The following MAPKAPK3 variants were observed in gnomAD, a reference collection of about 807,000 sequenced individuals.
MAPKAPK3 encodes MAPK activated protein kinase 3.
Under a neutral mutation model 49.2 loss-of-function variants are expected in MAPKAPK3, and 35 were observed. The ratio of observed to expected loss-of-function variants is 0.71; its 90% CI spans 0.54 to 0.94. MAPKAPK3 has a LOEUF of 0.94. Among genes scored for constraint, MAPKAPK3 ranks in the 40% least tolerant of loss-of-function variants. The pLI is 0.00. For synonymous variants in MAPKAPK3, 178 were observed against 188.7 expected, an observed-to-expected ratio of 0.94 and a Z score of 0.46; for missense variants, 398 against 493.1, an observed-to-expected ratio of 0.81 and a Z score of 1.83.
At chr3:50,615,361 T>A (rs1175660847), upstream of MAPKAPK3, among the ~76,000 whole-genome samples, 5 of 152,236 alleles carry the variant, frequency 3.3e-5, no homozygotes, top group Non-Finnish European at 7.3e-5. Context: ...GTGTGTTATA[T>A]GCATGTGTGT....
intron 2 of MAPKAPK3, among the ~76,000 whole-genome samples, chr3:50,629,297 C>T (rs915929866): frequency 6.6e-6 from 1 of 152,080 alleles, no homozygotes; most frequent in Non-Finnish European, 1.5e-5. Context: ...CAAGGCTGCA[C>T]CTAGCTTTCC....
Position 50,617,481 on chromosome 3 carries a change from C to A in MAPKAPK3, c.-52-33C>A, listed in dbSNP as rs983818889. On this transcript the variant is annotated intron_variant, in intron 1 of 10. Coordinates refer to ENST00000621469, the MANE Select transcript of MAPKAPK3 (RefSeq NM_001243925.2). ...CAAGGCTGGGGTGTGTTGGAAAAGTCTGGGCGGGACTCACTCTTCCCCTTT... is the reference window on the plus strand; with the variant it reads ...CAAGGCTGGGGTGTGTTGGAAAAGTATGGGCGGGACTCACTCTTCCCCTTT... 4.6e-5 allele frequency: 32 copies of A among 692,786 alleles called. No homozygotes were observed. In the African/African-American group the frequency reaches 4.6e-4, roughly 10 times the overall value. The allele number at this position is 692,786 out of a possible 1,614,324, so 42.9% of individuals were successfully genotyped here. A position where few individuals can be genotyped will look rare whatever the true frequency, so the allele number is the denominator to read the frequency against.
chr3:50,640,357 C>T lies in MAPKAPK3; in HGVS notation c.220-9C>T, dbSNP rs1261780420. The T allele has an allele frequency of 6.2e-7, 1 of 1,611,470 alleles. No individual in the cohort carries two copies. Among genetic ancestry groups the T allele is most frequent in the Admixed American group, 1.7e-5 (1 of 59,660 alleles). ...GAGCCTGACACTTTCTATGTGCACC[C>T]ACCTACAGCTCCTGTATGACAGCCC... On this transcript the variant is annotated splice_polypyrimidine_tract_variant and intron_variant, in intron 2 of 10. Coordinates refer to ENST00000621469, the MANE Select transcript of MAPKAPK3 (RefSeq NM_001243925.2).
upstream of MAPKAPK3, among the ~76,000 whole-genome samples, chr3:50,614,500 AGTGTGTGTGT>A (rs3066739): frequency 0.047 from 6,531 of 138,922 alleles, 200 homozygotes; most frequent in Non-Finnish European, 0.068. Flanking sequence ...GTAAGGACAG[AGTGTGTGTGT>A]GTGTGTGTGT....
chr3:50,631,916 G>A (rs543939761), intron 2 of MAPKAPK3, among the ~76,000 whole-genome samples: 1 of 152,338 alleles, frequency 6.6e-6, no homozygotes, highest in South Asian at 2.1e-4. Context: ...CTGAGGCTGG[G>A]ATGAGACCCT....
intron 2 of MAPKAPK3, among the ~76,000 whole-genome samples, chr3:50,631,112 G>A (rs2032900195): frequency 6.6e-6 from 1 of 151,512 alleles, no homozygotes; most frequent in African/African-American, 2.4e-5. Context: ...GGAACTTAAT[G>A]AAGCGAGGTC....
chr3:50,618,978 C>T (rs935873731), intron 2 of MAPKAPK3, among the ~76,000 whole-genome samples: 2 of 152,192 alleles, frequency 1.3e-5, no homozygotes, highest in Non-Finnish European at 2.9e-5. Flanking sequence ...CGTGAGCCAC[C>T]GTGCCCGGCC....
At chr3:50,629,087 TC>T (rs2032836998) in intron 2 of MAPKAPK3, among the ~76,000 whole-genome samples, 1 of 151,992 alleles carries the variant, frequency 6.6e-6, no homozygotes, top group Admixed American at 6.6e-5. Context: ...CCAGGGTCGC[TC>T]CCCTAAGATC....
intron 2 of MAPKAPK3, among the ~76,000 whole-genome samples, chr3:50,634,509 G>A (rs2032986485): frequency 6.6e-6 from 1 of 150,950 alleles, no homozygotes; most frequent in African/African-American, 2.4e-5. Context: ...TTTTTTCTGA[G>A]GCAAAGTCTT....
rs77930597 is a variant in MAPKAPK3, at chr3:50,631,318, G to A, written c.220-9048G>A. On this transcript the variant is annotated intron_variant, in intron 2 of 10. Transcript: ENST00000621469. Reference sequence around the variant, plus strand: ...TCCAAATAGCACCAGTGCCCTTGTCGGGAGGGAGAGGGAGGACATGGGGGG... The same window carrying A: ...TCCAAATAGCACCAGTGCCCTTGTCAGGAGGGAGAGGGAGGACATGGGGGG... 4.9e-3 allele frequency among the ~76,000 whole-genome samples: 752 copies of A among 152,286 alleles called. 9 individuals are homozygous for A. Among genetic ancestry groups the A allele is most frequent in the African/African-American group, 0.017 (704 of 41,570 alleles).
intron 2 of MAPKAPK3, among the ~76,000 whole-genome samples, chr3:50,618,296 C>A (rs1464671702): frequency 6.6e-6 from 1 of 152,210 alleles, no homozygotes; most frequent in Non-Finnish European, 1.5e-5. Context: ...CTGATGCCCA[C>A]TGCACCTGTG....
chr3:50,615,806 G>T (rs1220652320), upstream of MAPKAPK3, among the ~76,000 whole-genome samples: 2 of 152,240 alleles, frequency 1.3e-5, no homozygotes, highest in African/African-American at 4.8e-5. Flanking sequence ...AGAAATAGGG[G>T]CAGAGCCCCA....
Position 50,640,417 on chromosome 3 carries a change from G to A in MAPKAPK3, c.271G>A (p.Ala91Thr), listed in dbSNP as rs575368406. 4.3e-6 allele frequency: 7 copies of A among 1,614,138 alleles called. No homozygotes were observed. In the African/African-American group the frequency reaches 6.7e-5, roughly 15 times the overall value. ...ARQEVDHHWQ[A>T]SGGPHIVCIL... Reference sequence around the variant, plus strand: ...GCAGGAGGTAGACCATCACTGGCAGGCTTCTGGCGGCCCCCATATTGTCTG... The same window carrying A: ...GCAGGAGGTAGACCATCACTGGCAGACTTCTGGCGGCCCCCATATTGTCTG... The change falls in exon 3 of 11, where the codon GCT (alanine) becomes ACT (threonine). Residue 91 changes from alanine (A) to threonine (T), a missense_variant. By Grantham distance (58) the Ala-to-Thr change is moderately conservative. Coordinates refer to ENST00000621469, the MANE Select transcript of MAPKAPK3 (RefSeq NM_001243925.2).
In MAPKAPK3 at chr3:50,648,980, T is replaced by G. The variant is rs2033371261; in HGVS notation, c.*934T>G. The G allele has an allele frequency of 6.6e-6, 1 of 152,150 alleles. No homozygotes were observed. Among genetic ancestry groups the G allele is most frequent in the Admixed American group, 6.5e-5 (1 of 15,286 alleles). 9.4% of individuals were successfully genotyped at this position (152,150 alleles called of 1,614,324 possible). A position where few individuals can be genotyped will look rare whatever the true frequency, so the allele number is the denominator to read the frequency against. Reference sequence around the variant, plus strand: ...TAAGTGGCTTCCCATTAACCTGAGGTCTCTTTCTTTACTCTGGGTCAGACC... The same window carrying G: ...TAAGTGGCTTCCCATTAACCTGAGGGCTCTTTCTTTACTCTGGGTCAGACC... On this transcript the variant is annotated 3_prime_UTR_variant, in exon 11 of 11. Coordinates refer to ENST00000621469, the MANE Select transcript of MAPKAPK3 (RefSeq NM_001243925.2).
intron 2 of MAPKAPK3, among the ~76,000 whole-genome samples, chr3:50,620,154 G>A (rs2032574705): frequency 6.6e-6 from 1 of 152,224 alleles, no homozygotes. Context: ...TGTCTTGTGA[G>A]TGGTAGCTGT....
intron 3 of MAPKAPK3, 58 bp downstream of exon 3, chr3:50,640,563 C>A: frequency 6.5e-7 from 1 of 1,541,222 alleles, no homozygotes; most frequent in Non-Finnish European, 8.8e-7. Flanking sequence ...CCTCAGGCTC[C>A]CTGCCACGCT....
chr3:50,648,468 C>T lies in MAPKAPK3; in HGVS notation c.*422C>T. The T allele has an allele frequency of 6.3e-6, 1 of 158,864 alleles. No homozygotes were observed. The highest frequency in any genetic ancestry group is 6.1e-5 in the Admixed American group (1 of 16,424). 9.8% of individuals were successfully genotyped at this position (158,864 alleles called of 1,614,324 possible). A position where few individuals can be genotyped will look rare whatever the true frequency, so the allele number is the denominator to read the frequency against. On this transcript the variant is annotated 3_prime_UTR_variant, in exon 11 of 11. Coordinates refer to ENST00000621469, the MANE Select transcript of MAPKAPK3 (RefSeq NM_001243925.2). ...TGAGAAAGGCATTGGCCATTGGTTGCCATGGTGACCAGGGACCACGTTGCT... is the reference window on the plus strand; with the variant it reads ...TGAGAAAGGCATTGGCCATTGGTTGTCATGGTGACCAGGGACCACGTTGCT...
At chr3:50,615,706 G>A (rs141907209), upstream of MAPKAPK3, among the ~76,000 whole-genome samples, 917 of 152,324 alleles carry the variant, frequency 6.0e-3, 3 homozygotes, top group Non-Finnish European at 0.01. Context: ...CCAGCATCTG[G>A]TCTGCAAGAA....
At chr3:50,641,593 T>G (rs1576012735) in intron 3 of MAPKAPK3, 114 bp from the exon 4 acceptor site, 1 of 823,528 alleles carries the variant, frequency 1.2e-6, no homozygotes, top group Non-Finnish European at 2.1e-6. Context: ...GGCTGTTCAG[T>G]AGGGGAGGAG....
Sources: gnomAD v4.1 joint callset for allele counts (sites outside exome capture counted in the v4.1 genomes callset) on GRCh38, gnomAD v4.1.1 for gene constraint, MANE v1.5 for transcripts, NCBI Gene and HGNC (gene_info 2026-07-23, HGNC 2026-07-21) for gene names.